EEF1E1: variants seen among roughly 807,000 people sequenced by gnomAD.
EEF1E1 encodes eukaryotic translation elongation factor 1 epsilon 1, also known as eukaryotic translation elongation factor 1 epsilon-1.
EEF1E1 carries 19 observed loss-of-function variants against 19.9 expected under a neutral mutation model. The observed-to-expected ratio is 0.95, with a 90% CI of 0.66 to 1.40. The LOEUF (loss-of-function observed/expected upper bound fraction) is 1.40, where lower values mean the gene tolerates loss of function less well. Ranked by LOEUF, EEF1E1 falls within the 40% of genes most tolerant of loss-of-function variation. The pLI, the probability that EEF1E1 is intolerant of heterozygous loss-of-function variation, is 0.00. For missense variants in EEF1E1, 198 were observed against 202.2 expected, an observed-to-expected ratio of 0.98 and a Z score of 0.13; for synonymous variants, 81 against 80.0, an observed-to-expected ratio of 1.01 and a Z score of -0.07.
At chr6:8,092,159 C>T (rs76430127) in intron 2 of EEF1E1, among the ~76,000 whole-genome samples, 9,237 of 152,198 alleles carry the variant, frequency 0.061, 383 homozygotes, top group Non-Finnish European at 0.088. Context: ...AAGACCCCAC[C>T]TCCTAACTCC....
At chr6:8,093,474 A>T (rs1260345183) in intron 2 of EEF1E1, among the ~76,000 whole-genome samples, 2 of 151,886 alleles carry the variant, frequency 1.3e-5, no homozygotes, top group African/African-American at 4.8e-5. Context: ...AAAATAAACA[A>T]CTATATACCC....
intron 2 of EEF1E1, 63 bp from the exon 3 acceptor site, chr6:8,090,344 C>T: frequency 1.7e-6 from 2 of 1,168,206 alleles, no homozygotes; most frequent in Non-Finnish European, 2.3e-6. Flanking sequence ...AGTTAATTAT[C>T]ATATCATGAC....
intron 3 of EEF1E1, among the ~76,000 whole-genome samples, chr6:8,088,594 T>C (rs1211426312): frequency 6.6e-6 from 1 of 152,236 alleles, no homozygotes. Context: ...TGCTCCTCCT[T>C]GCCTTCCACC....
At chr6:8,101,640 G>C (rs1368354403) in intron 1 of EEF1E1, 6 of 779,288 alleles carry the variant, frequency 7.7e-6, no homozygotes, top group Non-Finnish European at 1.0e-5. Flanking sequence ...TCTCAAAGGA[G>C]CAAAAAAAAC....
downstream of EEF1E1, among the ~76,000 whole-genome samples, chr6:8,075,254 A>G (rs1757563960): frequency 6.6e-6 from 1 of 152,238 alleles, no homozygotes; most frequent in African/African-American, 2.4e-5. Context: ...GTCTCCGAAC[A>G]TACAAATACA....
At chr6:8,101,243 A>AAAAAAAAATATAT (rs1271033598) in intron 1 of EEF1E1, among the ~76,000 whole-genome samples, 6 of 58,472 alleles carry the variant, frequency 1.0e-4, no homozygotes, top group South Asian at 7.4e-4. Flanking sequence ...AAAAAAAAAA[A>AAAAAAAAATATAT]ATATATATAT....
At chr6:8,075,843 C>A (rs572942107), downstream of EEF1E1, among the ~76,000 whole-genome samples, 4 of 152,316 alleles carry the variant, frequency 2.6e-5, no homozygotes, top group African/African-American at 9.6e-5. Context: ...TCCTCTCCAA[C>A]CCTGCAGCTG....
chr6:8,076,164 G>A (rs754465515), downstream of EEF1E1, among the ~76,000 whole-genome samples: 2 of 151,590 alleles, frequency 1.3e-5, no homozygotes, highest in Non-Finnish European at 2.9e-5. Context: ...TGCTGTTAAT[G>A]TTATATTTTG....
chr6:8,087,767 C>G (rs1193303928), intron 3 of EEF1E1, among the ~76,000 whole-genome samples: 2 of 152,078 alleles, frequency 1.3e-5, no homozygotes, highest in African/African-American at 2.4e-5. Context: ...ATTCTAAATA[C>G]TGGAACTTGG....
At chr6:8,075,372 T>C (rs950335018), downstream of EEF1E1, among the ~76,000 whole-genome samples, 2 of 152,186 alleles carry the variant, frequency 1.3e-5, no homozygotes, top group African/African-American at 2.4e-5. Context: ...TGTTATAATA[T>C]ACAGGAAGAT....
intron 1 of EEF1E1, chr6:8,102,013 G>A: frequency 1.6e-6 from 2 of 1,221,414 alleles, no homozygotes; most frequent in Non-Finnish European, 2.1e-6. Context: ...CCCAGACCCA[G>A]CACGGTGCTA....
intron 3 of EEF1E1, among the ~76,000 whole-genome samples, chr6:8,081,724 T>C (rs1483063073): frequency 6.6e-6 from 1 of 152,216 alleles, no homozygotes; most frequent in African/African-American, 2.4e-5. Context: ...GGGAGCTTTC[T>C]TACCAAAAAT....
intron 1 of EEF1E1, among the ~76,000 whole-genome samples, chr6:8,098,210 C>G (rs1451327044): frequency 6.6e-6 from 1 of 151,882 alleles, no homozygotes; most frequent in African/African-American, 2.4e-5. Flanking sequence ...ACCTCTGCCT[C>G]CCGGGTTCAA....
intron 2 of EEF1E1, 67 bp from the exon 3 acceptor site, chr6:8,090,348 T>C: frequency 8.6e-7 from 1 of 1,157,052 alleles, no homozygotes; most frequent in Non-Finnish European, 1.1e-6. Flanking sequence ...AATTATCATA[T>C]CATGACTTAA....
chr6:8,076,760 G>T (rs148481622), downstream of EEF1E1, among the ~76,000 whole-genome samples: 1 of 152,206 alleles, frequency 6.6e-6, no homozygotes, highest in African/African-American at 2.4e-5. Context: ...GAGCTCTAAG[G>T]GTAACCAGGT....
intron 3 of EEF1E1, among the ~76,000 whole-genome samples, chr6:8,082,846 C>G (rs978058336): frequency 6.6e-6 from 1 of 152,200 alleles, no homozygotes; most frequent in Non-Finnish European, 1.5e-5. Context: ...CCTATATAAA[C>G]TTACTGTAAA....
At chr6:8,085,784 A>AT (rs1757838093) in intron 3 of EEF1E1, among the ~76,000 whole-genome samples, 1 of 152,138 alleles carries the variant, frequency 6.6e-6, no homozygotes, top group African/African-American at 2.4e-5. Flanking sequence ...ATCTTCAGAT[A>AT]TTTTTCTGAC....
At chr6:8,098,422 T>C (rs2113666617) in intron 1 of EEF1E1, among the ~76,000 whole-genome samples, 1 of 152,270 alleles carries the variant, frequency 6.6e-6, no homozygotes, top group East Asian at 1.9e-4. Flanking sequence ...CCGGCCGAAA[T>C]ACTATCTTGT....
At chr6:8,075,947 G>A (rs879745933), downstream of EEF1E1, among the ~76,000 whole-genome samples, 1 of 152,096 alleles carries the variant, frequency 6.6e-6, no homozygotes, top group African/African-American at 2.4e-5. Flanking sequence ...TCCACCTTAA[G>A]AAACCACTTT....
Sources: gnomAD v4.1 joint callset for allele counts (sites outside exome capture counted in the v4.1 genomes callset) on GRCh38, gnomAD v4.1.1 for gene constraint, MANE v1.5 for transcripts, NCBI Gene and HGNC (gene_info 2026-07-23, HGNC 2026-07-21) for gene names.